ATAD2: variants seen among roughly 807,000 people sequenced by gnomAD.
ATAD2 encodes the protein ATPase family AAA domain containing 2, also known as ATPase family AAA domain-containing protein 2.
A neutral mutation model predicts 168.9 loss-of-function variants in ATAD2; 62 were observed. The observed-to-expected ratio is 0.37, with a 90% confidence interval of 0.30 to 0.45. ATAD2 has a LOEUF of 0.45. Ranked by LOEUF, ATAD2 falls within the 20% of genes least tolerant of loss-of-function variation. The probability of loss-of-function intolerance (pLI) is 1.00; values close to 1 mark genes in which losing one functional copy is unlikely to be tolerated. For synonymous variants in ATAD2, 613 were observed against 571.6 expected (o/e 1.07, Z -1.03); for missense variants, 1,419 against 1,667.8 (o/e 0.85, Z 2.60).
rs1296858213 is a variant in ATAD2 at position 123,396,301 on chromosome 8, C to T, written c.57G>A (p.Thr19=). The T allele has an allele frequency of 4.3e-6, 7 of 1,610,570 alleles. No individual in the cohort carries two copies. The highest frequency in any genetic ancestry group is 1.7e-4 in the Middle Eastern group (1 of 5,962). The part of the protein sequence containing the change: ...ELHNHSAASA[T]GSLDLSSDFL... Reference sequence around the variant, plus strand: ...AGTCACTGGACAGGTCCAAGGAGCCCGTGGCCGAGGCCGCGGAGTGGTTGT... The same window carrying T: ...AGTCACTGGACAGGTCCAAGGAGCCTGTGGCCGAGGCCGCGGAGTGGTTGT... Residue 19 remains threonine, a synonymous_variant, in exon 1 of 28, where the codon ACG becomes ACA. Coordinates refer to ENST00000287394, the MANE Select transcript of ATAD2 (RefSeq NM_014109.4).
rs557648384 is a variant in ATAD2, at chr8:123,415,265, C to T, written c.-2282+983G>A. Among the ~76,000 whole-genome samples the T allele has an allele frequency of 1.2e-4, 18 of 152,296 alleles. 2 individuals carry two copies. The highest frequency in any genetic ancestry group is 3.4e-3 in the Middle Eastern group (1 of 294). ...TCTAGCTTATAGGGTTTCCCACTCACTTTAAAGGAGAAATGTTTACCAGAG... is the reference window on the plus strand; with the variant it reads ...TCTAGCTTATAGGGTTTCCCACTCATTTTAAAGGAGAAATGTTTACCAGAG... On this transcript the variant is annotated intron_variant, in intron 1 of 28. Coordinates refer to the ATAD2 transcript ENST00000521903.
intron 8 of ATAD2, among the ~76,000 whole-genome samples, chr8:123,364,083 G>A (rs905314703): frequency 6.6e-6 from 1 of 151,992 alleles, no homozygotes; most frequent in African/African-American, 2.4e-5. Context: ...TTTAAACATC[G>A]AAGTACAGTT....
intron 21 of ATAD2, among the ~76,000 whole-genome samples, chr8:123,337,375 A>G (rs1322322684): frequency 1.3e-5 from 2 of 152,160 alleles, no homozygotes; most frequent in Non-Finnish European, 2.9e-5. Flanking sequence ...AAAAAAAAAA[A>G]TAATAAGACA....
Position 123,359,301 on chromosome 8 carries a change from A to G in ATAD2, c.1302T>C (p.His434=), listed in dbSNP as rs751189486. Residue 434 remains histidine, a synonymous_variant, in exon 11 of 28, where the codon CAT becomes CAC. Transcript: ENST00000287394. ...CCACCATCTCTTTTAGAGCTGCTATATGATTAGACAGGCCACCAACACTAT... is the reference window on the plus strand; with the variant it reads ...CCACCATCTCTTTTAGAGCTGCTATGTGATTAGACAGGCCACCAACACTAT... ...RFDSVGGLSN[H]IAALKEMVVF... 4 of 1,612,114 alleles carry G rather than the reference A, an allele frequency of 2.5e-6. No homozygotes were observed. Among genetic ancestry groups the G allele is most frequent in the Non-Finnish European group, 8.5e-7 (1 of 1,179,308 alleles).
intron 1 of ATAD2, among the ~76,000 whole-genome samples, chr8:123,395,335 T>C (rs1410250725): frequency 6.6e-6 from 1 of 151,660 alleles, no homozygotes; most frequent in African/African-American, 2.4e-5. Context: ...GGGAGGGGAG[T>C]AACTGCTCAG....
chr8:123,356,528 G>A (rs759314685), intron 12 of ATAD2, 51 bp from the exon 13 acceptor site: 22 of 1,293,480 alleles, frequency 1.7e-5, no homozygotes, highest in East Asian at 4.9e-5. Flanking sequence ...CCTCAAACAC[G>A]TAGACTTAAT....
rs1827448506 is a variant in ATAD2 at position 123,320,873 on chromosome 8, T to A, written c.*261A>T. On this transcript the variant is annotated 3_prime_UTR_variant, in exon 28 of 28. Transcript: ENST00000287394. ...ACATTAGTTACCAAAATAACTTTATTAAGAGTTGGCCAAACTTCAACTATT... is the reference window on the plus strand; with the variant it reads ...ACATTAGTTACCAAAATAACTTTATAAAGAGTTGGCCAAACTTCAACTATT... 2.7e-6 allele frequency: 1 copy of A among 369,004 alleles called. No individual in the cohort carries two copies. Among genetic ancestry groups the A allele is most frequent in the African/African-American group, 2.1e-5 (1 of 47,054 alleles). 22.9% of individuals were successfully genotyped at this position (369,004 alleles called of 1,614,324 possible).
chr8:123,404,839 C>A (rs940978358), intron 1 of ATAD2, among the ~76,000 whole-genome samples: 1 of 152,120 alleles, frequency 6.6e-6, no homozygotes, highest in Non-Finnish European at 1.5e-5. Context: ...CGCGCCCAGC[C>A]CCCCCTTTCT....
intron 19 of ATAD2, among the ~76,000 whole-genome samples, chr8:123,341,017 A>G (rs1828046389): frequency 6.6e-6 from 1 of 151,194 alleles, no homozygotes; most frequent in South Asian, 2.1e-4. Flanking sequence ...ATCTCGACTC[A>G]CTGCAGCCCC....
intron 1 of ATAD2, among the ~76,000 whole-genome samples, chr8:123,387,119 T>G (rs1408108178): frequency 6.6e-6 from 1 of 152,070 alleles, no homozygotes; most frequent in Admixed American, 6.5e-5. Flanking sequence ...CAAAAACCAT[T>G]TTTTTCCTAT....
chr8:123,379,525 A>G (rs542414030), intron 2 of ATAD2, among the ~76,000 whole-genome samples: 1 of 151,754 alleles, frequency 6.6e-6, no homozygotes, highest in African/African-American at 2.4e-5. Context: ...CACAGGTATC[A>G]TCTTTGAATA....
intron 24 of ATAD2, among the ~76,000 whole-genome samples, chr8:123,330,566 G>A (rs939272305): frequency 2.0e-5 from 3 of 151,872 alleles, no homozygotes; most frequent in African/African-American, 7.3e-5. Context: ...GTTTCACCGT[G>A]TTAGCCAGGA....
rs1829728845 is a variant in ATAD2, at chr8:123,389,025, GGC to G, written c.171+7160_171+7161del. Among the ~76,000 whole-genome samples the G allele has an allele frequency of 2.7e-5, 4 of 149,566 alleles. No individual in the cohort carries two copies. The South Asian group carries it at 8.4e-4, about 31-fold the overall frequency. ...CCTGTCGCCCACGCTGAAGTGCAGT[GGC>G]GCGATCTTGGCTCACTGCAAGCTCC... On this transcript the variant is annotated intron_variant, in intron 1 of 27. Coordinates refer to ENST00000287394, the MANE Select transcript of ATAD2 (RefSeq NM_014109.4).
chr8:123,349,220 C>CATA (rs1419666749), intron 14 of ATAD2, 65 bp downstream of exon 14: 2 of 1,521,910 alleles, frequency 1.3e-6, no homozygotes, highest in Non-Finnish European at 1.8e-6. Flanking sequence ...TTTTACTATA[C>CATA]CAAGACTTAT....
chr8:123,396,393 A>T lies in ATAD2; in HGVS notation c.-36T>A. On this transcript the variant is annotated 5_prime_UTR_variant, in exon 1 of 28. Transcript: ENST00000287394. ...TACTGGCCTCGGCGTGCGCGACCGG[A>T]GAGAGATCCAGCTCCAGGCGCTCGC... 2 of 1,524,448 alleles carry T rather than the reference A, an allele frequency of 1.3e-6. No homozygotes were observed. Among genetic ancestry groups the T allele is most frequent in the Non-Finnish European group, 1.8e-6 (2 of 1,137,710 alleles). 94.4% of individuals were successfully genotyped at this position (1,524,448 alleles called of 1,614,324 possible).
At chr8:123,349,614 G>A (rs1828381867) in intron 13 of ATAD2, among the ~76,000 whole-genome samples, 170 bp from the exon 14 acceptor site, 1 of 151,928 alleles carries the variant, frequency 6.6e-6, no homozygotes, top group Admixed American at 6.6e-5. Flanking sequence ...CATCCCAAAT[G>A]GCCCACAGAA....
intron 1 of ATAD2, among the ~76,000 whole-genome samples, chr8:123,405,577 C>T (rs1369020264): frequency 2.0e-5 from 3 of 152,202 alleles, no homozygotes; most frequent in African/African-American, 7.2e-5. Context: ...TTTCTAACCT[C>T]TGATTTATAC....
Position 123,369,093 on chromosome 8 carries a change from T to G in ATAD2, c.1014A>C (p.Ala338=). Residue 338 remains alanine, a synonymous_variant, in exon 8 of 28, where the codon GCA becomes GCC. Transcript: ENST00000287394. The stretch of plus-strand genomic sequence containing the variant: ...GTTTACAGTAAGGACTTCTTGGTCC[T>G]GCGGAAGATAATCGGTATCTTGGTC... ...PARPRYRLSS[A]GPRSPYCKRM... is the part of the protein sequence containing the mutation. 6.3e-7 allele frequency: 1 copy of G among 1,596,558 alleles called. No individual in the cohort carries two copies. Among genetic ancestry groups the G allele is most frequent in the Non-Finnish European group, 8.6e-7 (1 of 1,168,456 alleles).
At chr8:123,331,159 T>G (rs930578409) in intron 24 of ATAD2, among the ~76,000 whole-genome samples, 1 of 152,240 alleles carries the variant, frequency 6.6e-6, no homozygotes, top group East Asian at 1.9e-4. Context: ...CACGCTGGTC[T>G]TGAGCTCCTG....
Sources: gnomAD v4.1 joint callset for allele counts (sites outside exome capture counted in the v4.1 genomes callset) on GRCh38, gnomAD v4.1.1 for gene constraint, MANE v1.5 for transcripts, NCBI Gene and HGNC (gene_info 2026-07-23, HGNC 2026-07-21) for gene names.